Variants in DNAH11 observed in about 807,000 individuals in gnomAD.
DNAH11 encodes the protein axonemal beta dynein heavy chain 11.
In DNAH11, 442 loss-of-function variants were observed where a neutral mutation model predicts 526.0. The observed-to-expected ratio is 0.84, with a 90% confidence interval of 0.78 to 0.91. DNAH11 has a LOEUF of 0.91. DNAH11 is among the 40% of genes least tolerant of loss of function. DNAH11 has a pLI of 0.00. For synonymous variants in DNAH11, 2,461 were observed against 1,935.9 expected (o/e 1.27, Z -7.12); for missense variants, 6,989 against 5,448.7 (o/e 1.28, Z -8.90).
At chr7:21,724,667 T>C (rs1255859603) in intron 44 of DNAH11, among the ~76,000 whole-genome samples, 1 of 149,618 alleles carries the variant, frequency 6.7e-6, no homozygotes, top group East Asian at 2.0e-4. Flanking sequence ...GGTCATCCTA[T>C]GAATATAGGA....
At chr7:21,588,238 C>A in intron 10 of DNAH11, 37 bp downstream of exon 10, 2 of 1,585,902 alleles carry the variant, frequency 1.3e-6, no homozygotes, top group South Asian at 2.3e-5. Context: ...TTTACAATAT[C>A]ATTTAGGCGG....
Position 21,591,358 on chromosome 7 carries a change from G to T in DNAH11, c.2448G>T (p.Val816=). 2 of 1,613,800 alleles carry T rather than the reference G, an allele frequency of 1.2e-6. No homozygotes were observed. The highest frequency in any genetic ancestry group is 8.5e-7 in the Non-Finnish European group (1 of 1,179,716). ...ACTGCTGGGGCTACATCGAGAGGGT[G>T]AGGGCAGCCACGTCCGAGTTGGAGC... ...QDDCWGYIER[V]RAATSELEHR... Residue 816 remains valine, a synonymous_variant, in exon 14 of 82, where the codon GTG becomes GTT. Coordinates refer to ENST00000409508, the MANE Select transcript of DNAH11 (RefSeq NM_001277115.2).
rs2128491574 is a variant in DNAH11, at chr7:21,744,446, A to G, written c.8163A>G (p.Leu2721=). 1 of 1,613,354 alleles carries G rather than the reference A, an allele frequency of 6.2e-7. No homozygotes were observed. The highest frequency in any genetic ancestry group is 8.5e-7 in the Non-Finnish European group (1 of 1,179,646). ...RDLSNVFQGI[L]FASPECLKGP... The stretch of plus-strand genomic sequence containing the variant: ...CCATTCTTGCCTTGTAGGGGATTTT[A>G]TTTGCTTCTCCTGAGTGTTTAAAAG... The change falls in exon 50 of 82, where the codon TTA becomes TTG. Residue 2721 remains leucine, a synonymous_variant. Transcript: ENST00000409508.
At chr7:21,756,978 T>A (rs1162556292) in intron 54 of DNAH11, among the ~76,000 whole-genome samples, 1 of 152,206 alleles carries the variant, frequency 6.6e-6, no homozygotes, top group Admixed American at 6.5e-5. Context: ...TTCTCAATAT[T>A]TTACAGCATT....
At chr7:21,719,971 C>A (rs1470819566) in intron 43 of DNAH11, among the ~76,000 whole-genome samples, 1 of 152,370 alleles carries the variant, frequency 6.6e-6, no homozygotes, top group East Asian at 1.9e-4. Context: ...GTGAAGGCCT[C>A]TGCAGCAGCC....
At chr7:21,801,946 G>C (rs1255931208) in intron 62 of DNAH11, among the ~76,000 whole-genome samples, 1 of 152,138 alleles carries the variant, frequency 6.6e-6, no homozygotes, top group African/African-American at 2.4e-5. Flanking sequence ...AGGAACATAC[G>C]TTCTTTGATA....
At chr7:21,847,747 A>T (rs140761683) in intron 66 of DNAH11, among the ~76,000 whole-genome samples, 1 of 152,194 alleles carries the variant, frequency 6.6e-6, no homozygotes, top group African/African-American at 2.4e-5. Flanking sequence ...GGATCTGTCA[A>T]TTATGATATA....
At chr7:21,571,261 G>T (rs1325455417) in intron 7 of DNAH11, among the ~76,000 whole-genome samples, 1 of 152,074 alleles carries the variant, frequency 6.6e-6, no homozygotes, top group East Asian at 1.9e-4. Context: ...ATTAGAGGTT[G>T]CTTCTACTGC....
chr7:21,768,608 A>G (rs1787287675), intron 55 of DNAH11, among the ~76,000 whole-genome samples: 1 of 152,178 alleles, frequency 6.6e-6, no homozygotes, highest in Non-Finnish European at 1.5e-5. Context: ...TAATGACACA[A>G]ACTCCGTATC....
intron 18 of DNAH11, among the ~76,000 whole-genome samples, chr7:21,604,461 T>C (rs1001973526): frequency 1.3e-5 from 2 of 152,160 alleles, no homozygotes; most frequent in Non-Finnish European, 2.9e-5. Context: ...CTTCATTAAC[T>C]GCCCCTAACT....
chr7:21,733,658 C>G (rs960158116), intron 45 of DNAH11, among the ~76,000 whole-genome samples: 2 of 152,182 alleles, frequency 1.3e-5, no homozygotes, highest in Non-Finnish European at 2.9e-5. Flanking sequence ...TCTTTCCACA[C>G]AGTTGTACCA....
chr7:21,781,312 C>T lies in DNAH11; in HGVS notation c.9483+2208C>T, dbSNP rs1264186697. Reference sequence around the variant, plus strand: ...ATGTCTTGCCGTGAACCTTGACAGCCCATGTAGAGAGGCAGGTTGAAATCA... The same window carrying T: ...ATGTCTTGCCGTGAACCTTGACAGCTCATGTAGAGAGGCAGGTTGAAATCA... On this transcript the variant is annotated intron_variant, in intron 57 of 81. Transcript: ENST00000409508. Among the ~76,000 whole-genome samples the T allele has an allele frequency of 3.9e-5, 6 of 152,114 alleles. 1 individual carries two copies. The South Asian group carries it at 6.2e-4, about 16-fold the overall frequency.
chr7:21,593,908 C>G (rs1191498223), intron 14 of DNAH11, among the ~76,000 whole-genome samples: 1 of 151,314 alleles, frequency 6.6e-6, no homozygotes, highest in Non-Finnish European at 1.5e-5. Flanking sequence ...GACACAAAAT[C>G]TCTCTCTCTC....
chr7:21,618,063 C>G, intron 23 of DNAH11: 1 of 256,610 alleles, frequency 3.9e-6, no homozygotes, highest in Non-Finnish European at 7.4e-6. Flanking sequence ...ACAGATTGCA[C>G]AACTAATCAG....
chr7:21,619,244 C>T (rs1381851278), intron 24 of DNAH11, 22 bp downstream of exon 24: 2 of 1,602,426 alleles, frequency 1.2e-6, no homozygotes, highest in East Asian at 2.2e-5. Context: ...GGGACTGGGT[C>T]ATTTCTACTT....
chr7:21,828,058 C>T (rs1356512221), intron 65 of DNAH11, among the ~76,000 whole-genome samples: 1 of 152,088 alleles, frequency 6.6e-6, no homozygotes, highest in Non-Finnish European at 1.5e-5. Flanking sequence ...AAACAATTCC[C>T]CTGCCTCAGC....
At chr7:21,635,307 T>C (rs1320905066) in intron 25 of DNAH11, among the ~76,000 whole-genome samples, 2 of 152,082 alleles carry the variant, frequency 1.3e-5, no homozygotes, top group Non-Finnish European at 2.9e-5. Flanking sequence ...CAGGCGCCCG[T>C]CACCACGCCC....
intron 57 of DNAH11, among the ~76,000 whole-genome samples, chr7:21,781,449 C>T (rs1787937355): frequency 1.3e-5 from 2 of 152,194 alleles, no homozygotes; most frequent in South Asian, 4.1e-4. Context: ...GTTCTTCTTC[C>T]ACCTTTGTTT....
intron 25 of DNAH11, among the ~76,000 whole-genome samples, chr7:21,621,557 G>A (rs1475522789): frequency 6.6e-6 from 1 of 152,102 alleles, no homozygotes; most frequent in African/African-American, 2.4e-5. Flanking sequence ...GATGAACATT[G>A]ATGCAAAAAT....
Sources: gnomAD v4.1 joint callset for allele counts (sites outside exome capture counted in the v4.1 genomes callset) on GRCh38, gnomAD v4.1.1 for gene constraint, MANE v1.5 for transcripts, NCBI Gene and HGNC (gene_info 2026-07-23, HGNC 2026-07-21) for gene names.